ZFP28: variants seen among roughly 807,000 people sequenced by gnomAD.
ZFP28 encodes the protein ZFP28 zinc finger protein, also known as zinc finger protein 28 homolog.
In ZFP28, 31 loss-of-function variants were observed where a neutral mutation model predicts 39.5. The ratio of observed to expected loss-of-function variants is 0.79; its 90% CI spans 0.59 to 1.06. The LOEUF is 1.06. Among genes scored for constraint, ZFP28 ranks in the 50% least tolerant of loss-of-function variants. The pLI is 0.00. For missense variants in ZFP28, 925 were observed against 1,048.4 expected (o/e 0.88, Z 1.63); for synonymous variants, 400 against 378.6 (o/e 1.06, Z -0.66).
At chr19:56,551,517 C>G (rs1170478362) in intron 7 of ZFP28, 1 of 984,606 alleles carries the variant, frequency 1.0e-6, no homozygotes, top group East Asian at 1.1e-4. Flanking sequence ...ATTAAAGATA[C>G]AATTATAATA....
intron 7 of ZFP28, chr19:56,551,234 G>T: frequency 1.0e-6 from 1 of 986,890 alleles, no homozygotes; most frequent in Non-Finnish European, 1.2e-6. Flanking sequence ...TGGAAGTAAA[G>T]GATCTTTTCC....
chr19:56,548,019 T>A (rs1354641457), intron 4 of ZFP28, 117 bp downstream of exon 4: 1 of 884,616 alleles, frequency 1.1e-6, no homozygotes, highest in Non-Finnish European at 1.7e-6. Flanking sequence ...ATATCTGTTA[T>A]TTTTACTATT....
chr19:56,540,140 A>C (rs2044183018), intron 2 of ZFP28, among the ~76,000 whole-genome samples: 1 of 152,236 alleles, frequency 6.6e-6, no homozygotes, highest in Admixed American at 6.5e-5. Flanking sequence ...AATGTCAAGG[A>C]AACAAGCAAG....
At chr19:56,553,620 T>G (rs776858017) in intron 7 of ZFP28, 64 bp from the exon 8 acceptor site, 168 of 1,516,626 alleles carry the variant, frequency 1.1e-4, no homozygotes, top group Non-Finnish European at 1.4e-4. Context: ...TAGTTTTCCT[T>G]TTGGCAGATT....
At chr19:56,543,406 T>C (rs914732443) in intron 2 of ZFP28, among the ~76,000 whole-genome samples, 3 of 149,486 alleles carry the variant, frequency 2.0e-5, no homozygotes, top group African/African-American at 7.3e-5. Context: ...ATATAATTTT[T>C]TTAAGAGATG....
chr19:56,545,198 G>A (rs572485666), intron 2 of ZFP28, among the ~76,000 whole-genome samples: 253 of 152,306 alleles, frequency 1.7e-3, no homozygotes, highest in Admixed American at 1.9e-3. Flanking sequence ...TACACTGCAG[G>A]GGGCCTTTCA....
Position 56,553,956 on chromosome 19 carries a change from A to G in ZFP28, c.1171A>G (p.Lys391Glu). Residue 391 changes from lysine (K) to glutamate (E), a missense_variant, in exon 8 of 8, where the codon AAA (lysine) becomes GAA (glutamate). Physicochemically the swap from Lys to Glu is moderately conservative, Grantham distance 56 (BLOSUM62 1). Coordinates refer to ENST00000301318, the MANE Select transcript of ZFP28 (RefSeq NM_020828.2). ...RWFYLDDSEE[K>E]VHNRDSIKNF... ...GTTCTATTTGGACGATTCAGAAGAG[A>G]AAGTTCATAATCGTGATTCAATTAA... 6.2e-7 allele frequency: 1 copy of G among 1,613,162 alleles called. No individual in the cohort carries two copies. The highest frequency in any genetic ancestry group is 1.1e-5 in the South Asian group (1 of 90,760).
intron 2 of ZFP28, among the ~76,000 whole-genome samples, chr19:56,539,943 A>G (rs945517444): frequency 1.3e-5 from 2 of 152,162 alleles, no homozygotes; most frequent in African/African-American, 2.4e-5. Flanking sequence ...TGATTGATGA[A>G]ATGATTCAGC....
chr19:56,551,507 A>G, intron 7 of ZFP28: 1 of 984,826 alleles, frequency 1.0e-6, no homozygotes, highest in Non-Finnish European at 1.2e-6. Flanking sequence ...ATTTCTTAGT[A>G]TTAAAGATAC....
At position 56,550,121 on chromosome 19, in the gene ZFP28, G is replaced by C. The variant is rs767506169; in HGVS notation, c.742G>C (p.Ala248Pro). Reference protein sequence around the residue: ...AVDFRQQLHPAQKNFCKNGIW... With the variant: ...AVDFRQQLHPPQKNFCKNGIW... ...TGACTTCCGCCAGCAGCTACACCCA[G>C]CTCAGAAGAATTTCTGTAAGAATGG... The change falls in exon 6 of 8, where the codon GCT becomes CCT. Residue 248 changes from alanine to proline, a missense_variant. Ala to Pro is a conservative substitution (Grantham distance 27, BLOSUM62 -1). Transcript: ENST00000301318. The C allele has an allele frequency of 2.5e-6, 4 of 1,613,318 alleles. No individual in the cohort carries two copies. The East Asian group carries it at 8.9e-5, about 36-fold the overall frequency.
At chr19:56,538,820 GGCGGGGCGGGGCA>G (rs1568482582), upstream of ZFP28, 44 of 101,716 alleles carry the variant, frequency 4.3e-4, no homozygotes, top group Admixed American at 3.5e-3. Context: ...GGCGGGGCGG[GGCGGGGCGGGGCA>G]GCGGGGAGGG....
At chr19:56,541,877 ATTTTTTTTTTTTTTTT>A (rs11297964) in intron 2 of ZFP28, among the ~76,000 whole-genome samples, 10 of 61,340 alleles carry the variant, frequency 1.6e-4, no homozygotes, top group East Asian at 1.2e-3. Flanking sequence ...CACCTGGCTA[ATTTTTTTTTTTTTTTT>A]TTTTTTTTTT....
Position 56,555,042 on chromosome 19 carries a change from G to A in ZFP28, c.2257G>A (p.Gly753Arg). The change falls in exon 8 of 8, where the codon GGA becomes AGA. Residue 753 changes from glycine to arginine, a missense_variant. Transcript: ENST00000301318. ...TATTTGTCATCGCAGAAGTCATACT[G>A]GAGAAAAACCTTATGAATGCAGTGT... The part of the protein sequence containing the change: ...SLICHRRSHT[G>R]EKPYECSVCG... 1.2e-6 allele frequency: 2 copies of A among 1,614,132 alleles called. No homozygotes were observed. Among genetic ancestry groups the A allele is most frequent in the East Asian group, 2.2e-5 (1 of 44,882 alleles).
rs2044343851 is a variant in ZFP28 at position 56,555,554 on chromosome 19, T to C, written c.*162T>C. 1 of 997,852 alleles carries C rather than the reference T, an allele frequency of 1.0e-6. No homozygotes were observed. The highest frequency in any genetic ancestry group is 2.5e-5 in the East Asian group (1 of 40,270). 61.8% of individuals were successfully genotyped at this position (997,852 alleles called of 1,614,324 possible). A position where few individuals can be genotyped will look rare whatever the true frequency, so the allele number is the denominator to read the frequency against. ...CTTATAGTTTCTTTAAATTGGTTAA[T>C]GTGTGAGATGTGCTCAGCACAGTGC... On this transcript the variant is annotated 3_prime_UTR_variant, in exon 8 of 8. Coordinates refer to ENST00000301318, the MANE Select transcript of ZFP28 (RefSeq NM_020828.2).
upstream of ZFP28, among the ~76,000 whole-genome samples, chr19:56,537,297 G>T (rs758353629): frequency 2.3e-4 from 34 of 149,952 alleles, no homozygotes; most frequent in Non-Finnish European, 4.3e-4. Context: ...TGTTCTACCT[G>T]TTGACATCCT....
At chr19:56,553,033 T>A (rs1420220193) in intron 7 of ZFP28, 2 of 152,198 alleles carry the variant, frequency 1.3e-5, no homozygotes, top group African/African-American at 2.4e-5. Flanking sequence ...TGGCAAACAT[T>A]TCACCATGTA....
At position 56,547,723 on chromosome 19, in the gene ZFP28, C is replaced by G. The variant is rs2044255550; in HGVS notation, c.428-84C>G. The G allele has an allele frequency of 6.3e-7, 1 of 1,597,460 alleles. No homozygotes were observed. Among genetic ancestry groups the G allele is most frequent in the African/African-American group, 1.3e-5 (1 of 74,490 alleles). On this transcript the variant is annotated intron_variant, in intron 3 of 7. Coordinates refer to ENST00000301318, the MANE Select transcript of ZFP28 (RefSeq NM_020828.2). The surrounding 1 kb of genome is among the most constrained non-coding windows in gnomAD (Gnocchi z 4.6). ...CATGCCTTTATCACCCAGACCTGCA[C>G]TGCCCTCTTGCGTCAAGCCAAGGGG...
At chr19:56,550,250 ATT>A in intron 6 of ZFP28, 69 bp downstream of exon 6, 1 of 1,429,796 alleles carries the variant, frequency 7.0e-7, no homozygotes, top group Non-Finnish European at 9.6e-7. Context: ...TCAGTTTTGA[ATT>A]ATGGAGGAGG....
At chr19:56,551,999 T>C in intron 7 of ZFP28, 1 of 958,636 alleles carries the variant, frequency 1.0e-6, no homozygotes, top group Non-Finnish European at 1.2e-6. Context: ...TATAGTCCAG[T>C]ATATTATTTC....
Sources: allele counts gnomAD v4.1 joint callset (sites outside exome capture counted in the v4.1 genomes callset), GRCh38; gene constraint gnomAD v4.1.1; non-coding constraint Gnocchi (gnomAD v3.1); transcripts MANE v1.5; gene names NCBI Gene and HGNC (gene_info 2026-07-23, HGNC 2026-07-21).